SPTBN2: variants seen among roughly 807,000 people sequenced by gnomAD.
The protein encoded by SPTBN2 is spectrin beta chain, non-erythrocytic 2.
SPTBN2 carries 107 observed loss-of-function variants against 284.2 expected under a neutral mutation model. The ratio of observed to expected loss-of-function variants is 0.38; its 90% CI spans 0.32 to 0.44. The LOEUF (loss-of-function observed/expected upper bound fraction) is 0.44, where lower values mean the gene tolerates loss of function less well. SPTBN2 is among the 20% of genes least tolerant of loss of function. The pLI, the probability that SPTBN2 is intolerant of heterozygous loss-of-function variation, is 1.00. For synonymous variants in SPTBN2, 1,289 were observed against 1,354.8 expected, an observed-to-expected ratio of 0.95 and a Z score of 1.07; for missense variants, 2,569 against 3,287.1, an observed-to-expected ratio of 0.78 and a Z score of 5.34.
intron 1 of SPTBN2, among the ~76,000 whole-genome samples, chr11:66,727,084 T>G (rs1311300902): frequency 1.3e-5 from 2 of 152,240 alleles, no homozygotes; most frequent in East Asian, 3.8e-4. Context: ...ATATTCAGAT[T>G]CTTCACTCCC....
intron 1 of SPTBN2, among the ~76,000 whole-genome samples, chr11:66,734,604 C>T (rs1942839941): frequency 1.3e-5 from 2 of 152,226 alleles, no homozygotes. Flanking sequence ...CTGGAAAGCC[C>T]TCCTTGAGCT....
Position 66,693,893 on chromosome 11 carries a change from C to G in SPTBN2, c.4504-32G>C, listed in dbSNP as rs757919096. ...GAGGAAGAGGGGGTCAGTGGAGGCCCAGAGGGCAAGGCAAGCAGCAGGGAC... is the reference window on the plus strand; with the variant it reads ...GAGGAAGAGGGGGTCAGTGGAGGCCGAGAGGGCAAGGCAAGCAGCAGGGAC... On this transcript the variant is annotated intron_variant, in intron 22 of 37. Transcript: ENST00000533211. This position sits in a 1 kb window ranked among gnomAD's most constrained non-coding sequence, Gnocchi z 5.7. The G allele has an allele frequency of 7.5e-6, 12 of 1,604,444 alleles. No homozygotes were observed. The highest frequency in any genetic ancestry group is 1.0e-5 in the Non-Finnish European group (12 of 1,173,202).
chr11:66,688,389 T>C (rs890949156), intron 31 of SPTBN2, 78 bp from the exon 32 acceptor site: 2 of 1,543,680 alleles, frequency 1.3e-6, no homozygotes, highest in East Asian at 2.4e-5. Flanking sequence ...CTGAAATGTC[T>C]CAACTCTAAT....
rs532746761 is a variant in SPTBN2 at position 66,701,671 on chromosome 11, G to A, written c.2729C>T (p.Ala910Val). ...TAACTGCTCGGCAATGTCATTCACC[G>A]CGGTGATTTGTGCTGCAAGGGTGTT... ...EMNTLAAQIT[A>V]VNDIAEQLLK... Residue 910 changes from alanine (A) to valine (V), a missense_variant, in exon 16 of 38, where the codon GCG becomes GTG. Transcript: ENST00000533211. 2.5e-5 allele frequency: 41 copies of A among 1,614,018 alleles called. No individual in the cohort carries two copies. Among genetic ancestry groups the A allele is most frequent in the African/African-American group, 5.3e-5 (4 of 74,984 alleles).
At position 66,710,537 on chromosome 11, in the gene SPTBN2, G is replaced by C. The variant is rs200811585; in HGVS notation, c.1073+45C>G. On this transcript the variant is annotated intron_variant, in intron 10 of 37. Coordinates refer to ENST00000533211, the MANE Select transcript of SPTBN2 (RefSeq NM_006946.4). This position sits in a 1 kb window ranked among gnomAD's most constrained non-coding sequence, Gnocchi z 4.9. ...GCTGTGCTAATTTAGGCTTCCTCTCGTGGGAGCACAGCTCAGGGAAGGGTG... is the reference window on the plus strand; with the variant it reads ...GCTGTGCTAATTTAGGCTTCCTCTCCTGGGAGCACAGCTCAGGGAAGGGTG... 1.9e-6 allele frequency: 3 copies of C among 1,598,178 alleles called. No homozygotes were observed. Among genetic ancestry groups the C allele is most frequent in the Non-Finnish European group, 2.6e-6 (3 of 1,171,330 alleles).
chr11:66,716,092 T>C, intron 3 of SPTBN2, 111 bp from the exon 4 acceptor site: 1 of 1,447,898 alleles, frequency 6.9e-7, no homozygotes, highest in Non-Finnish European at 9.6e-7. Context: ...GGAAGCGGGG[T>C]CCTCTAAGGA....
At position 66,705,253 on chromosome 11, in the gene SPTBN2, C is replaced by G. The variant is rs776861052; in HGVS notation, c.2023G>C (p.Gly675Arg). ...TGCTTGTTGAGCAGGCGGAGGGCAC[C>G]GGTCAGGTCTCGGCCCGTGTCGGCT... ...ASADTGRDLT[G>R]ALRLLNKHTA... is the part of the protein sequence containing the mutation. Residue 675 changes from glycine to arginine, a missense_variant, in exon 15 of 38, where the codon GGT becomes CGT. Physicochemically the swap from Gly to Arg is moderately radical, Grantham distance 125. This residue lies in a region of SPTBN2 where 1,012 missense variants were observed against 1,248.9 expected (regional missense o/e 0.81). Coordinates refer to ENST00000533211, the MANE Select transcript of SPTBN2 (RefSeq NM_006946.4). 21 of 1,577,814 alleles carry G rather than the reference C, an allele frequency of 1.3e-5. No homozygotes were observed. Among genetic ancestry groups the G allele is most frequent in the Admixed American group, 5.4e-5 (3 of 55,472 alleles).
chr11:66,724,285 T>A (rs944623065), intron 1 of SPTBN2, among the ~76,000 whole-genome samples: 11 of 152,166 alleles, frequency 7.2e-5, no homozygotes, highest in African/African-American at 2.7e-4. Context: ...CAGCTGGGCA[T>A]GGTGGCAGGT....
At chr11:66,725,575 C>T (rs917306699) in intron 1 of SPTBN2, among the ~76,000 whole-genome samples, 6 of 152,218 alleles carry the variant, frequency 3.9e-5, no homozygotes, top group Non-Finnish European at 2.9e-5. Flanking sequence ...AATCCTCAAT[C>T]GTCCTCTCTT....
At chr11:66,701,502 G>GC (rs750689391) in intron 16 of SPTBN2, 82 bp downstream of exon 16, 6 of 1,604,054 alleles carry the variant, frequency 3.7e-6, no homozygotes, top group Non-Finnish European at 5.1e-6. Context: ...ACCCTTCCAG[G>GC]CCCTACAAAA....
At position 66,707,488 on chromosome 11, in the gene SPTBN2, T is replaced by TA. The variant is rs1565140441; in HGVS notation, c.1653+27dup. 6.3e-7 allele frequency: 1 copy of TA among 1,574,916 alleles called. No individual in the cohort carries two copies. The highest frequency in any genetic ancestry group is 1.9e-5 in the Admixed American group (1 of 54,004). ...GGCCCCCTCGACTCTTGATCACTCTTACCCCACCCAGCACGCCTCACTGGT... is the reference window on the plus strand; with the variant it reads ...GGCCCCCTCGACTCTTGATCACTCTTAACCCCACCCAGCACGCCTCACTGGT... On this transcript the variant is annotated intron_variant, in intron 13 of 37. Transcript: ENST00000533211. The surrounding 1 kb of genome is among the most constrained non-coding windows in gnomAD (Gnocchi z 4.9).
chr11:66,740,429 C>T (rs1178987607), intron 1 of SPTBN2, among the ~76,000 whole-genome samples: 1 of 152,124 alleles, frequency 6.6e-6, no homozygotes, highest in Non-Finnish European at 1.5e-5. Context: ...CCCCCATTAG[C>T]CCAATAATAT....
Position 66,691,482 on chromosome 11 carries a change from C to T in SPTBN2, c.5367G>A (p.Leu1789=), listed in dbSNP as rs780111015. 6.2e-7 allele frequency: 1 copy of T among 1,611,920 alleles called. No homozygotes were observed. The highest frequency in any genetic ancestry group is 8.5e-7 in the Non-Finnish European group (1 of 1,180,004). The change falls in exon 27 of 38, where the codon CTG becomes CTA. Residue 1789 remains leucine, a synonymous_variant. Transcript: ENST00000533211. The surrounding 1 kb of genome is among the most constrained non-coding windows in gnomAD (Gnocchi z 8.0). ...CCAGCACCTGACCCCGTGTGTCCAG[C>T]AGCTCAAGCAGGTCAGCCCAGGCCT... ...LNEAWADLLE[L]LDTRGQVLAA... is the part of the protein sequence containing the mutation.
At chr11:66,703,980 T>C (rs1941387896) in intron 15 of SPTBN2, among the ~76,000 whole-genome samples, 1 of 146,018 alleles carries the variant, frequency 6.8e-6, no homozygotes, top group South Asian at 2.2e-4. Context: ...TTCTTTTTTT[T>C]TTTTTTTTTT....
At chr11:66,699,202 G>A in intron 18 of SPTBN2, 120 bp from the exon 19 acceptor site, 2 of 1,370,204 alleles carry the variant, frequency 1.5e-6, no homozygotes, top group South Asian at 2.4e-5. Context: ...GCACAATGAG[G>A]CTACCCAGGA....
rs1410623686 is a variant in SPTBN2 at position 66,694,279 on chromosome 11, C to A, written c.4363G>T (p.Gly1455Cys). 2 of 1,614,236 alleles carry A rather than the reference C, an allele frequency of 1.2e-6. No homozygotes were observed. The change falls in exon 22 of 38, where the codon GGT (glycine) becomes TGT (cysteine). Residue 1455 changes from glycine (G) to cysteine (C), a missense_variant. By Grantham distance (159) the Gly-to-Cys change is radical (BLOSUM62 -3). Around this residue, in one of 6 missense-constraint regions of SPTBN2, gnomAD observed 1,130 missense variants for 1,317.3 expected, o/e 0.86. Transcript: ENST00000533211. ...QAKALAQEDQ[G>C]AGEVERTSRA... Reference sequence around the variant, plus strand: ...GAGGTTCTCTCCACCTCCCCTGCACCCTGGTCCTCCTGGGCCAGTGCTTTG... The same window carrying A: ...GAGGTTCTCTCCACCTCCCCTGCACACTGGTCCTCCTGGGCCAGTGCTTTG...
At position 66,685,546 on chromosome 11, in the gene SPTBN2, C is replaced by T; in HGVS notation, c.*325G>A. The T allele has an allele frequency of 1.9e-5, 7 of 363,130 alleles. No individual in the cohort carries two copies. Among genetic ancestry groups the T allele is most frequent in the South Asian group, 9.9e-5 (4 of 40,472 alleles). 22.5% of individuals were successfully genotyped at this position (363,130 alleles called of 1,614,324 possible). ...TGACCCTGAGGCAGGGGCAGCCACT[C>T]CCCACATGGCCTATGTTGAGGGTGC... On this transcript the variant is annotated 3_prime_UTR_variant, in exon 38 of 38. Coordinates refer to ENST00000533211, the MANE Select transcript of SPTBN2 (RefSeq NM_006946.4). This position sits in a 1 kb window ranked among gnomAD's most constrained non-coding sequence, Gnocchi z 4.4.
intron 3 of SPTBN2, among the ~76,000 whole-genome samples, chr11:66,719,793 T>C (rs935289497): frequency 6.6e-6 from 1 of 152,206 alleles, no homozygotes; most frequent in Non-Finnish European, 1.5e-5. Flanking sequence ...TTCTAGAGGC[T>C]ACATGAATCC....
At chr11:66,728,319 GGGGGCGCGCGGGGCGGGCGGCGGC>G (rs1222997655) in intron 1 of SPTBN2, 3 of 145,636 alleles carry the variant, frequency 2.1e-5, no homozygotes, top group African/African-American at 7.4e-5. Context: ...AGGCGGCGCG[GGGGGCGCGCGGGGCGGGCGGCGGC>G]GGGGCGCGTG....
Sources: gnomAD v4.1 joint callset for allele counts (sites outside exome capture counted in the v4.1 genomes callset) on GRCh38, gnomAD v4.1.1 for gene constraint, gnomAD v4.1.1 regional missense constraint, Gnocchi (gnomAD v3.1) non-coding constraint, MANE v1.5 for transcripts, NCBI Gene and HGNC (gene_info 2026-07-23, HGNC 2026-07-21) for gene names.